Variants in MAP4K4 observed in about 807,000 individuals in gnomAD.
The protein encoded by MAP4K4 is HPK/GCK-like kinase HGK.
MAP4K4 carries 38 observed loss-of-function variants against 189.6 expected under a neutral mutation model. That is an observed-to-expected ratio of 0.20 (90% CI 0.15 to 0.26). The LOEUF (loss-of-function observed/expected upper bound fraction) is 0.26, where lower values mean the gene tolerates loss of function less well. Ranked by LOEUF, MAP4K4 falls within the 10% of genes least tolerant of loss-of-function variation. The probability of loss-of-function intolerance (pLI) is 1.00; values close to 1 mark genes in which losing one functional copy is unlikely to be tolerated. For missense variants in MAP4K4, 1,054 were observed against 1,726.9 expected (o/e 0.61, Z 6.91); for synonymous variants, 610 against 624.3 (o/e 0.98, Z 0.34).
intron 2 of MAP4K4, among the ~76,000 whole-genome samples, chr2:101,782,054 G>A (rs758093712): frequency 2.0e-5 from 3 of 152,214 alleles, no homozygotes; most frequent in Admixed American, 6.5e-5. Flanking sequence ...AGACTGGATA[G>A]TAATTAGTGA....
exon 33 of MAP4K4, chr2:101,892,618 A>G (rs2098585797): frequency 3.3e-6 from 1 of 302,104 alleles, no homozygotes. Context: ...GCAATGCACT[A>G]AAACTATTTT....
At chr2:101,740,118 C>T (rs1012646239) in intron 2 of MAP4K4, among the ~76,000 whole-genome samples, 11 of 149,734 alleles carry the variant, frequency 7.3e-5, no homozygotes, top group African/African-American at 1.7e-4. Context: ...CAACATCTGT[C>T]GCTTTCTTGG....
At chr2:101,749,092 A>G (rs1242480028) in intron 2 of MAP4K4, among the ~76,000 whole-genome samples, 1 of 148,690 alleles carries the variant, frequency 6.7e-6, no homozygotes, top group Non-Finnish European at 1.5e-5. Flanking sequence ...GCCCAAGGTA[A>G]TTTACAGATT....
chr2:101,870,802 G>A (rs913737556), intron 23 of MAP4K4, among the ~76,000 whole-genome samples: 6 of 152,186 alleles, frequency 3.9e-5, no homozygotes, highest in Non-Finnish European at 7.4e-5. Flanking sequence ...GGCTCTGAGT[G>A]TCTGCAGTGC....
chr2:101,844,978 A>G (rs2097050491), intron 12 of MAP4K4, among the ~76,000 whole-genome samples: 1 of 152,118 alleles, frequency 6.6e-6, no homozygotes, highest in Non-Finnish European at 1.5e-5. Context: ...AGGCGGAAAC[A>G]CGGGAAGAGT....
At chr2:101,833,611 C>A (rs2096653406) in intron 7 of MAP4K4, among the ~76,000 whole-genome samples, 1 of 145,084 alleles carries the variant, frequency 6.9e-6, no homozygotes. Context: ...CAGAATGAGA[C>A]TCCATCTCAA....
intron 14 of MAP4K4, 38 bp downstream of exon 14, chr2:101,859,120 G>A (rs759280042): frequency 2.8e-5 from 44 of 1,567,074 alleles, no homozygotes; most frequent in Non-Finnish European, 7.0e-6. Context: ...TAGCATCAGG[G>A]CTCCTTCATC....
chr2:101,836,021 T>A (rs755201996), intron 9 of MAP4K4, 43 bp downstream of exon 9: 36 of 1,432,620 alleles, frequency 2.5e-5, no homozygotes, highest in Middle Eastern at 1.7e-4. Flanking sequence ...CCCTTTTTTT[T>A]AAATTGCTTC....
At position 101,879,274 on chromosome 2, in the gene MAP4K4, T is replaced by G. The variant is rs547887668; in HGVS notation, c.3385+2128T>G. On this transcript the variant is annotated intron_variant, in intron 27 of 32. Coordinates refer to ENST00000324219, the Ensembl canonical transcript of MAP4K4. Reference sequence around the variant, plus strand: ...ATCATTTTTTGGTCTACTTTTCTGTTTTTTTTTTTTTTCCTTCCTTATTAA... The same window carrying G: ...ATCATTTTTTGGTCTACTTTTCTGTGTTTTTTTTTTTTCCTTCCTTATTAA... 6.5e-5 allele frequency among the ~76,000 whole-genome samples: 7 copies of G among 107,576 alleles called. No individual in the cohort carries two copies. The South Asian group carries it at 2.3e-3, about 35-fold the overall frequency. 70.6% of individuals were successfully genotyped at this position (107,576 alleles called of 152,430 possible). A position where few individuals can be genotyped will look rare whatever the true frequency, so the allele number is the denominator to read the frequency against.
chr2:101,750,116 T>C (rs2149944269), intron 2 of MAP4K4, among the ~76,000 whole-genome samples: 1 of 149,490 alleles, frequency 6.7e-6, no homozygotes, highest in South Asian at 2.1e-4. Flanking sequence ...TCCTCAGGGA[T>C]CTAGAACTAG....
At chr2:101,735,601 G>T (rs979273873) in intron 2 of MAP4K4, among the ~76,000 whole-genome samples, 1 of 152,132 alleles carries the variant, frequency 6.6e-6, no homozygotes, top group Admixed American at 6.5e-5. Flanking sequence ...AAAAAGGTGG[G>T]CTGGGGCCTG....
At chr2:101,779,555 T>C (rs1456392016) in intron 2 of MAP4K4, among the ~76,000 whole-genome samples, 3 of 152,220 alleles carry the variant, frequency 2.0e-5, no homozygotes, top group Non-Finnish European at 4.4e-5. Flanking sequence ...ACTGATGATT[T>C]TTAACAAAAG....
chr2:101,735,968 C>T (rs2060128871), intron 2 of MAP4K4, among the ~76,000 whole-genome samples: 1 of 152,168 alleles, frequency 6.6e-6, no homozygotes, highest in African/African-American at 2.4e-5. Flanking sequence ...CTACAGCCTT[C>T]TATTTACTGA....
chr2:101,708,141 A>G (rs751542571), intron 2 of MAP4K4, among the ~76,000 whole-genome samples: 40 of 152,070 alleles, frequency 2.6e-4, no homozygotes, highest in Non-Finnish European at 5.0e-4. Flanking sequence ...AATGATCTCT[A>G]CTACCTCTTT....
chr2:101,751,871 T>C (rs1360125512), intron 2 of MAP4K4, among the ~76,000 whole-genome samples: 1 of 152,218 alleles, frequency 6.6e-6, no homozygotes, highest in Non-Finnish European at 1.5e-5. Flanking sequence ...ATTGCTTTCT[T>C]TTATACTGTT....
intron 2 of MAP4K4, among the ~76,000 whole-genome samples, chr2:101,772,480 G>A (rs1322917821): frequency 6.6e-6 from 1 of 152,132 alleles, no homozygotes; most frequent in African/African-American, 2.4e-5. Flanking sequence ...TGTGAATTTT[G>A]TTCTTTTTAA....
At chr2:101,881,533 T>TG (rs893041759) in intron 27 of MAP4K4, among the ~76,000 whole-genome samples, 4 of 152,176 alleles carry the variant, frequency 2.6e-5, no homozygotes, top group Admixed American at 1.3e-4. Flanking sequence ...TTTGTCTAAT[T>TG]GCATTAGCTA....
At chr2:101,801,048 G>C (rs2094318747) in intron 3 of MAP4K4, among the ~76,000 whole-genome samples, 2 of 151,844 alleles carry the variant, frequency 1.3e-5, no homozygotes, top group African/African-American at 4.8e-5. Context: ...TAAAAAAATG[G>C]ATACTGTCCT....
At chr2:101,850,503 T>G (rs2097251408) in intron 12 of MAP4K4, among the ~76,000 whole-genome samples, 1 of 152,216 alleles carries the variant, frequency 6.6e-6, no homozygotes, top group Admixed American at 6.5e-5. Context: ...AACAACCATT[T>G]TCTCACTCCT....
Sources: gnomAD v4.1 joint callset for allele counts (sites outside exome capture counted in the v4.1 genomes callset) on GRCh38, gnomAD v4.1.1 for gene constraint, MANE v1.5 for transcripts, NCBI Gene and HGNC (gene_info 2026-07-23, HGNC 2026-07-21) for gene names.